Variants in FARS2 observed in about 807,000 individuals in gnomAD.
FARS2 encodes phenylalanyl-tRNA synthetase 2, mitochondrial.
In FARS2, 40 loss-of-function variants were observed where a neutral mutation model predicts 46.4. The ratio of observed to expected loss-of-function variants is 0.86; its 90% CI spans 0.67 to 1.12. The LOEUF (loss-of-function observed/expected upper bound fraction) is 1.12, where lower values mean the gene tolerates loss of function less well. FARS2 is among the 50% of genes most tolerant of loss of function. The pLI is 0.00. For synonymous variants in FARS2, 234 were observed against 214.9 expected (o/e 1.09, Z -0.78); for missense variants, 513 against 567.9 (o/e 0.90, Z 0.98).
At chr6:5,669,404 T>C (rs1778333376) in intron 6 of FARS2, among the ~76,000 whole-genome samples, 1 of 150,772 alleles carries the variant, frequency 6.6e-6, no homozygotes, top group African/African-American at 2.4e-5. Flanking sequence ...ATAAAACCTT[T>C]TGTGGGAAAT....
At chr6:5,405,337 A>G (rs1761504894) in intron 3 of FARS2, among the ~76,000 whole-genome samples, 1 of 152,164 alleles carries the variant, frequency 6.6e-6, no homozygotes, top group Non-Finnish European at 1.5e-5. Flanking sequence ...ACTTTTAGCT[A>G]GAGAAAGAAA....
chr6:5,556,164 C>T (rs189416910), intron 5 of FARS2, among the ~76,000 whole-genome samples: 1 of 152,084 alleles, frequency 6.6e-6, no homozygotes, highest in Non-Finnish European at 1.5e-5. Context: ...CCTTAGAGCT[C>T]GCTTCCTTTA....
chr6:5,482,016 G>A (rs1424414111), intron 4 of FARS2, among the ~76,000 whole-genome samples: 31 of 152,152 alleles, frequency 2.0e-4, no homozygotes, highest in Admixed American at 2.0e-3. Context: ...TGGGGACTGG[G>A]TCTCATGAAA....
At chr6:5,475,508 G>T (rs1766070519) in intron 4 of FARS2, among the ~76,000 whole-genome samples, 1 of 152,168 alleles carries the variant, frequency 6.6e-6, no homozygotes, top group South Asian at 2.1e-4. Context: ...GTGCGTTTCA[G>T]ACTAGGACTC....
chr6:5,339,409 A>G (rs1052720310), intron 1 of FARS2, among the ~76,000 whole-genome samples: 1 of 152,112 alleles, frequency 6.6e-6, no homozygotes, highest in Non-Finnish European at 1.5e-5. Context: ...CATACCAAAA[A>G]TTAATTCACA....
At chr6:5,291,328 G>A (rs903598664) in intron 1 of FARS2, 14 of 152,166 alleles carry the variant, frequency 9.2e-5, no homozygotes, top group African/African-American at 2.7e-4. Context: ...TTTTGAATAA[G>A]TTGAACACCT....
intron 6 of FARS2, among the ~76,000 whole-genome samples, chr6:5,642,006 T>C (rs1776844790): frequency 6.6e-6 from 1 of 152,218 alleles, no homozygotes; most frequent in African/African-American, 2.4e-5. Flanking sequence ...CTGTTGATGT[T>C]ATCCTTGGTA....
chr6:5,348,630 A>G (rs891150935), intron 1 of FARS2, among the ~76,000 whole-genome samples: 3 of 151,154 alleles, frequency 2.0e-5, no homozygotes, highest in African/African-American at 4.9e-5. Flanking sequence ...ATGCTCTTCT[A>G]TGAATATCTG....
At chr6:5,607,839 C>G (rs968352925) in intron 5 of FARS2, among the ~76,000 whole-genome samples, 3 of 151,820 alleles carry the variant, frequency 2.0e-5, no homozygotes, top group Admixed American at 2.0e-4. Context: ...AGTGATAGAT[C>G]AAGAAAATCA....
intron 1 of FARS2, among the ~76,000 whole-genome samples, chr6:5,281,355 G>A (rs372501713): frequency 5.9e-5 from 9 of 152,088 alleles, no homozygotes; most frequent in Admixed American, 2.0e-4. Context: ...TCTTATTTCC[G>A]TCTTTAAATT....
intron 6 of FARS2, among the ~76,000 whole-genome samples, chr6:5,697,318 G>A (rs1309408697): frequency 2.0e-5 from 3 of 152,192 alleles, no homozygotes; most frequent in African/African-American, 7.2e-5. Flanking sequence ...CAGACCGATG[G>A]CTGGAGAATT....
chr6:5,498,520 G>A (rs990525466), intron 4 of FARS2, among the ~76,000 whole-genome samples: 1 of 152,176 alleles, frequency 6.6e-6, no homozygotes, highest in Non-Finnish European at 1.5e-5. Context: ...GTTCATCACC[G>A]TGTCTCTAAC....
intron 3 of FARS2, among the ~76,000 whole-genome samples, chr6:5,418,438 C>T (rs1359301166): frequency 1.3e-5 from 2 of 152,178 alleles, no homozygotes; most frequent in Admixed American, 1.3e-4. Flanking sequence ...TAGTTTTGCC[C>T]ACTACCTATG....
chr6:5,424,643 C>A (rs916518993), intron 3 of FARS2, among the ~76,000 whole-genome samples: 6 of 152,122 alleles, frequency 3.9e-5, no homozygotes, highest in African/African-American at 1.4e-4. Flanking sequence ...TGAGAGTTTA[C>A]CGTAAGGGTC....
At chr6:5,577,630 A>G (rs868296991) in intron 5 of FARS2, among the ~76,000 whole-genome samples, 16 of 152,134 alleles carry the variant, frequency 1.1e-4, no homozygotes, top group Non-Finnish European at 2.2e-4. Context: ...ATTTAATTAC[A>G]TTCATTTTCT....
chr6:5,703,841 G>T (rs1758582421), intron 6 of FARS2, among the ~76,000 whole-genome samples: 1 of 152,176 alleles, frequency 6.6e-6, no homozygotes, highest in Admixed American at 6.5e-5. Context: ...CCTTGGAAAA[G>T]GCTGTGCAGG....
At chr6:5,554,559 G>A (rs978259798) in intron 5 of FARS2, among the ~76,000 whole-genome samples, 1 of 152,144 alleles carries the variant, frequency 6.6e-6, no homozygotes, top group African/African-American at 2.4e-5. Context: ...ATGCCTTATA[G>A]CAATCACAGT....
chr6:5,549,166 T>G lies in FARS2; in HGVS notation c.1065+3826T>G, dbSNP rs1214352212. Reference sequence around the variant, plus strand: ...TAGGCTCTTGGGGGAATCCACCTTCTTGACTTTTCTGGCTTTTTTTTTTTT... The same window carrying G: ...TAGGCTCTTGGGGGAATCCACCTTCGTGACTTTTCTGGCTTTTTTTTTTTT... On this transcript the variant is annotated intron_variant, in intron 5 of 6. Transcript: ENST00000274680. 2.0e-5 allele frequency among the ~76,000 whole-genome samples: 3 copies of G among 151,234 alleles called. No homozygotes were observed. In the East Asian group the frequency reaches 5.8e-4, roughly 29 times the overall value.
At chr6:5,656,519 T>C (rs1185947510) in intron 6 of FARS2, among the ~76,000 whole-genome samples, 1 of 128,060 alleles carries the variant, frequency 7.8e-6, no homozygotes, top group Non-Finnish European at 1.7e-5. Flanking sequence ...AAACAAACTC[T>C]TGACTCTCAA....
Sources: allele counts gnomAD v4.1 joint callset (sites outside exome capture counted in the v4.1 genomes callset), GRCh38; gene constraint gnomAD v4.1.1; transcripts MANE v1.5; gene names NCBI Gene and HGNC (gene_info 2026-07-23, HGNC 2026-07-21).